The following TAB2 variants were observed in gnomAD, a reference collection of about 807,000 sequenced individuals.
The protein encoded by TAB2 is TGF-beta activated kinase 1 (MAP3K7) binding protein 2.
TAB2 carries 3 observed loss-of-function variants against 65.0 expected under a neutral mutation model. The observed-to-expected ratio is 0.05, with a 90% CI of 0.02 to 0.12. TAB2 has a LOEUF of 0.12. Ranked by LOEUF, TAB2 falls within the 10% of genes least tolerant of loss-of-function variation. The pLI is 1.00. For missense variants in TAB2, 623 were observed against 840.3 expected (o/e 0.74, Z 3.20); for synonymous variants, 298 against 285.1 (o/e 1.05, Z -0.46).
Position 149,264,982 on chromosome 6 carries a change from T to A in TAB2, c.-121+46206T>A, listed in dbSNP as rs1258814497. 2.6e-5 allele frequency among the ~76,000 whole-genome samples: 4 copies of A among 152,218 alleles called. No individual in the cohort carries two copies. The East Asian group carries it at 7.7e-4, about 29-fold the overall frequency. On this transcript the variant is annotated intron_variant, in intron 1 of 1. Coordinates refer to the TAB2 transcript ENST00000606202. ...ACCATTTGGTCCTATTCTGCTGTTT[T>A]TACCCAAACCTTTTGCACCTTTGGA...
At chr6:149,269,298 G>T (rs1282178868) in intron 1 of TAB2, among the ~76,000 whole-genome samples, 2 of 152,098 alleles carry the variant, frequency 1.3e-5, no homozygotes, top group East Asian at 3.8e-4. Context: ...CCTATTTGAC[G>T]TGGTAAAAGA....
intron 1 of TAB2, chr6:149,257,571 G>A (rs1346592419): frequency 6.6e-6 from 1 of 152,090 alleles, no homozygotes; most frequent in Non-Finnish European, 1.5e-5. Context: ...AAGTCAGGGT[G>A]GCCCATGAAC....
At chr6:149,302,867 C>G (rs1212046369) in intron 1 of TAB2, among the ~76,000 whole-genome samples, 1 of 152,240 alleles carries the variant, frequency 6.6e-6, no homozygotes, top group Admixed American at 6.5e-5. Context: ...CTGGGCCACA[C>G]AGCAGGAAGT....
rs1781529011 is a variant in TAB2 at position 149,379,384 on chromosome 6, T to C, written c.1469T>C (p.Leu490Pro). 1 of 1,614,206 alleles carries C rather than the reference T, an allele frequency of 6.2e-7. No individual in the cohort carries two copies. Among genetic ancestry groups the C allele is most frequent in the East Asian group, 2.2e-5 (1 of 44,884 alleles). ...TCCCCTACCTTTGAACTTACAAATC[T>C]TCTTAATCATCCTGATCATTATGTA... ...VVSPTFELTN[L>P]LNHPDHYVET... Residue 490 changes from leucine to proline, a missense_variant, in exon 3 of 7, where the codon CTT (leucine) becomes CCT (proline). Leu to Pro is a moderately conservative substitution (Grantham distance 98). Transcript: ENST00000637181.
chr6:149,379,033 C>A lies in TAB2; in HGVS notation c.1118C>A (p.Pro373His), dbSNP rs1230497037. Residue 373 changes from proline (P) to histidine (H), a missense_variant, in exon 3 of 7, where the codon CCC becomes CAC. By Grantham distance (77) the Pro-to-His change is moderately conservative (BLOSUM62 -2). This residue lies in a region of TAB2 where 550 missense variants were observed against 665.7 expected (regional missense o/e 0.83). Coordinates refer to ENST00000637181, the MANE Select transcript of TAB2 (RefSeq NM_001292034.3). ...NQPTVYIAASPPNTDELMSRS... is the reference protein window; with the variant it reads ...NQPTVYIAASHPNTDELMSRS... ...CCCACTGTTTACATAGCTGCCAGCC[C>A]CCCAAATACGGATGAGCTGATGTCC... 2 of 1,614,068 alleles carry A rather than the reference C, an allele frequency of 1.2e-6. No homozygotes were observed. The highest frequency in any genetic ancestry group is 1.7e-5 in the Admixed American group (1 of 60,008).
chr6:149,341,714 T>G (rs1452717492), intron 1 of TAB2, among the ~76,000 whole-genome samples: 1 of 152,208 alleles, frequency 6.6e-6, no homozygotes, highest in Non-Finnish European at 1.5e-5. Flanking sequence ...TTTTACTCTG[T>G]TTTGCTGTTT....
chr6:149,266,717 C>G (rs112124180), intron 1 of TAB2, among the ~76,000 whole-genome samples: 6 of 152,144 alleles, frequency 3.9e-5, no homozygotes, highest in African/African-American at 1.4e-4. Context: ...TGTGGTGGCT[C>G]TTGGAAGTAA....
At chr6:149,340,493 T>TA (rs1183151941) in intron 1 of TAB2, among the ~76,000 whole-genome samples, 2 of 152,100 alleles carry the variant, frequency 1.3e-5, no homozygotes, top group Non-Finnish European at 2.9e-5. Flanking sequence ...TTTAAAAGAG[T>TA]AAAAGCAAGT....
intron 6 of TAB2, among the ~76,000 whole-genome samples, chr6:149,406,779 C>G (rs540166219): frequency 6.6e-6 from 1 of 152,064 alleles, no homozygotes; most frequent in South Asian, 2.1e-4. Context: ...AGTGCAATGG[C>G]GCAATCTCGG....
chr6:149,234,367 A>C (rs1777457890), intron 1 of TAB2, among the ~76,000 whole-genome samples: 1 of 152,118 alleles, frequency 6.6e-6, no homozygotes, highest in Non-Finnish European at 1.5e-5. Flanking sequence ...TGCCAGGAGG[A>C]AAGTAAGAGG....
chr6:149,292,119 T>C (rs1778789966), intron 1 of TAB2, among the ~76,000 whole-genome samples: 1 of 152,186 alleles, frequency 6.6e-6, no homozygotes, highest in African/African-American at 2.4e-5. Context: ...AAAGGAGTAA[T>C]CTTAGAAGCC....
At chr6:149,343,805 T>C (rs1331775441) in intron 1 of TAB2, among the ~76,000 whole-genome samples, 1 of 152,214 alleles carries the variant, frequency 6.6e-6, no homozygotes, top group Non-Finnish European at 1.5e-5. Context: ...TTATTCCTTT[T>C]ACCAATATAT....
intron 1 of TAB2, among the ~76,000 whole-genome samples, chr6:149,283,407 T>C (rs1004603380): frequency 6.6e-6 from 1 of 152,146 alleles, no homozygotes; most frequent in Non-Finnish European, 1.5e-5. Flanking sequence ...CATTTGATGG[T>C]ATAGAAGAAA....
At chr6:149,324,896 A>G (rs1211620974) in intron 1 of TAB2, among the ~76,000 whole-genome samples, 4 of 150,088 alleles carry the variant, frequency 2.7e-5, no homozygotes, top group African/African-American at 9.9e-5. Flanking sequence ...TCCTGGGCAC[A>G]AGCCTTTCTC....
upstream of TAB2, among the ~76,000 whole-genome samples, chr6:149,317,190 GCC>G (rs1416203865): frequency 6.6e-6 from 1 of 152,064 alleles, no homozygotes; most frequent in African/African-American, 2.4e-5. This position sits in a 1 kb window ranked among gnomAD's most constrained non-coding sequence, Gnocchi z 4.7. Flanking sequence ...ACTGCTAGCG[GCC>G]CCCGTGGCGG....
chr6:149,332,299 G>A (rs544296686), intron 1 of TAB2, among the ~76,000 whole-genome samples: 74 of 152,170 alleles, frequency 4.9e-4, no homozygotes, highest in Non-Finnish European at 7.5e-4. Flanking sequence ...TATCAGTGGA[G>A]TTGATGTGAA....
intron 1 of TAB2, among the ~76,000 whole-genome samples, chr6:149,264,616 C>G (rs1255698290): frequency 1.3e-5 from 2 of 152,196 alleles, no homozygotes; most frequent in East Asian, 1.9e-4. Flanking sequence ...ACTCTGCTAT[C>G]AAACATTCAA....
chr6:149,225,021 T>C (rs1178288765), intron 1 of TAB2, among the ~76,000 whole-genome samples: 1 of 152,232 alleles, frequency 6.6e-6, no homozygotes, highest in African/African-American at 2.4e-5. Flanking sequence ...TTTCTTATAA[T>C]ACTTTTCTAT....
intron 1 of TAB2, among the ~76,000 whole-genome samples, chr6:149,339,799 A>G (rs1301351700): frequency 6.6e-6 from 1 of 151,920 alleles, no homozygotes; most frequent in East Asian, 1.9e-4. Flanking sequence ...GGGTTTTACC[A>G]TGTTGGCCAA....
Sources: gnomAD v4.1 joint callset for allele counts (sites outside exome capture counted in the v4.1 genomes callset) on GRCh38, gnomAD v4.1.1 for gene constraint, gnomAD v4.1.1 regional missense constraint, Gnocchi (gnomAD v3.1) non-coding constraint, MANE v1.5 for transcripts, NCBI Gene and HGNC (gene_info 2026-07-23, HGNC 2026-07-21) for gene names.